The following AOPEP variants were observed in gnomAD, a reference collection of about 807,000 sequenced individuals.
The protein encoded by AOPEP is aminopeptidase O.
Under a neutral mutation model 98.1 loss-of-function variants are expected in AOPEP, and 77 were observed. That is an observed-to-expected ratio of 0.78 (90% confidence interval 0.65 to 0.95). The LOEUF is 0.95. AOPEP is among the 40% of genes least tolerant of loss of function. The pLI is 0.00. For synonymous variants in AOPEP, 346 were observed against 365.3 expected (o/e 0.95, Z 0.60); for missense variants, 1,024 against 1,024.7 (o/e 1.00, Z 0.01).
chr9:95,123,509 C>T, the AOPEP span: 12 of 482,162 alleles, frequency 2.5e-5, no homozygotes, highest in African/African-American at 1.8e-4. Flanking sequence ...TCCTCCAGTC[C>T]GTGCCTCCAA....
Position 94,981,386 on chromosome 9 carries a change from A to G in AOPEP, c.1977+1959A>G, listed in dbSNP as rs78967552. On this transcript the variant is annotated intron_variant, in intron 11 of 16. Coordinates refer to ENST00000375315, the MANE Select transcript of AOPEP (RefSeq NM_001193329.3). ...CCTGCTGTCAAAACAGCCAGGTGCA[A>G]TGAGGCCAACCGGCTATAAATTGTG... Among the ~76,000 whole-genome samples the G allele has an allele frequency of 1.6e-4, 24 of 152,294 alleles. No individual in the cohort carries two copies. The East Asian group carries it at 4.6e-3, about 29-fold the overall frequency.
the AOPEP span, among the ~76,000 whole-genome samples, chr9:95,093,020 C>G: frequency 3.3e-5 from 5 of 152,166 alleles, no homozygotes; most frequent in African/African-American, 1.2e-4. Flanking sequence ...AGAGATGAGG[C>G]CGGAGTCCGT....
intron 14 of AOPEP, among the ~76,000 whole-genome samples, chr9:95,070,230 A>G (rs2068355693): frequency 6.6e-6 from 1 of 152,220 alleles, no homozygotes; most frequent in Non-Finnish European, 1.5e-5. Flanking sequence ...CAGTCAGCCC[A>G]CTGTAAAGTC....
chr9:95,071,708 G>A (rs1026902317), intron 14 of AOPEP, among the ~76,000 whole-genome samples: 5 of 152,140 alleles, frequency 3.3e-5, no homozygotes, highest in Non-Finnish European at 7.3e-5. Context: ...CATCTGCTCT[G>A]TCTCGTGCCT....
intron 1 of AOPEP, among the ~76,000 whole-genome samples, chr9:94,736,095 G>A (rs1020834371): frequency 6.6e-6 from 1 of 152,170 alleles, no homozygotes. Context: ...TTGTTTTGCT[G>A]TGCGTATGTT....
intron 2 of AOPEP, among the ~76,000 whole-genome samples, chr9:94,763,806 G>A (rs1245682272): frequency 6.6e-6 from 1 of 152,208 alleles, no homozygotes; most frequent in Non-Finnish European, 1.5e-5. Flanking sequence ...AACATATCAA[G>A]TAGTTTCGAA....
intron 10 of AOPEP, among the ~76,000 whole-genome samples, chr9:94,968,888 A>G (rs1051645362): frequency 6.6e-6 from 1 of 152,224 alleles, no homozygotes; most frequent in Non-Finnish European, 1.5e-5. Flanking sequence ...TCATCATGAT[A>G]GTGATTATTA....
At chr9:94,997,763 G>A (rs1201007857) in intron 11 of AOPEP, among the ~76,000 whole-genome samples, 1 of 152,130 alleles carries the variant, frequency 6.6e-6, no homozygotes, top group East Asian at 1.9e-4. Flanking sequence ...GCACAACAGT[G>A]GCTCACTGGA....
chr9:94,865,002 C>T (rs532344411), intron 5 of AOPEP, among the ~76,000 whole-genome samples: 10 of 152,214 alleles, frequency 6.6e-5, no homozygotes, highest in Middle Eastern at 3.4e-3. Flanking sequence ...CTTCATTTTA[C>T]GACTCCTTCA....
intron 11 of AOPEP, 50 bp from the exon 12 acceptor site, chr9:95,005,108 G>C (rs759473598): frequency 1.0e-6 from 1 of 982,768 alleles, no homozygotes; most frequent in Non-Finnish European, 1.2e-6. Context: ...GGGGCAGGGA[G>C]GCCGGGGCCG....
chr9:94,901,825 T>C (rs6479583), intron 5 of AOPEP, among the ~76,000 whole-genome samples: 144,716 of 152,024 alleles, frequency 0.95, 68,897 homozygotes, highest in Middle Eastern at 0.99. Context: ...TCTGTAATCT[T>C]AGCTACTTGG....
chr9:94,821,692 A>G (rs1434773089), intron 5 of AOPEP, among the ~76,000 whole-genome samples: 4 of 152,192 alleles, frequency 2.6e-5, no homozygotes, highest in African/African-American at 9.6e-5. Flanking sequence ...CATACCACCC[A>G]AAACTCAATT....
At chr9:95,135,889 G>A in the AOPEP span, among the ~76,000 whole-genome samples, 4 of 152,150 alleles carry the variant, frequency 2.6e-5, no homozygotes, top group Admixed American at 1.3e-4. Flanking sequence ...ATAGGGATGC[G>A]GACCTGGGTT....
At chr9:94,943,316 G>C (rs191759231) in intron 7 of AOPEP, among the ~76,000 whole-genome samples, 3 of 152,164 alleles carry the variant, frequency 2.0e-5, no homozygotes, top group African/African-American at 7.2e-5. Flanking sequence ...AGTCTGGACC[G>C]GGCATGGTGG....
chr9:94,788,100 T>C (rs356136), intron 3 of AOPEP, among the ~76,000 whole-genome samples: 7,972 of 152,174 alleles, frequency 0.052, 230 homozygotes, highest in Admixed American at 0.077. Flanking sequence ...ACATAGGGTC[T>C]TCCTCTGTCG....
At chr9:94,984,877 A>T (rs2060420391) in intron 11 of AOPEP, among the ~76,000 whole-genome samples, 1 of 152,224 alleles carries the variant, frequency 6.6e-6, no homozygotes, top group Admixed American at 6.5e-5. Flanking sequence ...TAATCCATAG[A>T]CACCCTTCAA....
chr9:94,734,243 T>C (rs1554691919), intron 1 of AOPEP, among the ~76,000 whole-genome samples: 2 of 152,066 alleles, frequency 1.3e-5, no homozygotes, highest in Non-Finnish European at 2.9e-5. Context: ...CTGAAGGAAG[T>C]GTAGTTGCCT....
the AOPEP span, chr9:95,099,753 C>T: frequency 4.3e-6 from 1 of 232,450 alleles, no homozygotes; most frequent in Admixed American, 5.6e-5. Context: ...TCCACCGCAC[C>T]CGTGAGAGGA....
chr9:94,750,903 A>G (rs1354133038), intron 1 of AOPEP, among the ~76,000 whole-genome samples: 1 of 150,902 alleles, frequency 6.6e-6, no homozygotes, highest in Non-Finnish European at 1.5e-5. Flanking sequence ...GCCTGCCACC[A>G]CGCCCGGCTA....
Sources: gnomAD v4.1 joint callset for allele counts (sites outside exome capture counted in the v4.1 genomes callset) on GRCh38, gnomAD v4.1.1 for gene constraint, MANE v1.5 for transcripts, NCBI Gene and HGNC (gene_info 2026-07-23, HGNC 2026-07-21) for gene names.